The following LHFPL3 variants were observed in gnomAD, a reference collection of about 807,000 sequenced individuals.
LHFPL3 encodes the protein LHFPL tetraspan subfamily member 3 protein.
Under a neutral mutation model 19.3 loss-of-function variants are expected in LHFPL3, and 5 were observed. The observed-to-expected ratio is 0.26, with a 90% CI of 0.14 to 0.54. The LOEUF is 0.54. LHFPL3 is among the 20% of genes least tolerant of loss of function. The probability of loss-of-function intolerance (pLI) is 0.94; values close to 1 mark genes in which losing one functional copy is unlikely to be tolerated. For synonymous variants in LHFPL3, 133 were observed against 126.2 expected (o/e 1.05, Z -0.36); for missense variants, 249 against 307.4 (o/e 0.81, Z 1.42).
intron 1 of LHFPL3, among the ~76,000 whole-genome samples, chr7:104,499,845 A>G (rs1310956080): frequency 1.3e-5 from 2 of 152,218 alleles, no homozygotes; most frequent in African/African-American, 2.4e-5. Context: ...AAAAGATTCC[A>G]TTTATTTCAG....
intron 1 of LHFPL3, among the ~76,000 whole-genome samples, chr7:104,686,670 C>T (rs986873052): frequency 8.5e-5 from 13 of 152,202 alleles, no homozygotes; most frequent in Admixed American, 7.8e-4. Context: ...CCCATTTCAG[C>T]TGCCAATCAC....
intron 1 of LHFPL3, among the ~76,000 whole-genome samples, chr7:104,586,873 A>G (rs185441573): frequency 8.1e-4 from 124 of 152,294 alleles, no homozygotes; most frequent in African/African-American, 3.0e-3. Flanking sequence ...GGAAAAGTCA[A>G]TAGAGCTTTC....
chr7:104,722,990 G>C (rs1480829344), intron 1 of LHFPL3, among the ~76,000 whole-genome samples: 1 of 152,194 alleles, frequency 6.6e-6, no homozygotes, highest in Non-Finnish European at 1.5e-5. Context: ...CAGACCAGCA[G>C]TATCAGCAGG....
chr7:104,404,607 A>G (rs1791379144), intron 1 of LHFPL3, among the ~76,000 whole-genome samples: 1 of 152,216 alleles, frequency 6.6e-6, no homozygotes, highest in Admixed American at 6.5e-5. Flanking sequence ...CCATAAAAGT[A>G]TAAGACACAC....
intron 1 of LHFPL3, among the ~76,000 whole-genome samples, chr7:104,394,052 T>TA (rs1258997814): frequency 6.6e-6 from 1 of 152,202 alleles, no homozygotes; most frequent in African/African-American, 2.4e-5. Context: ...CTGAATATAC[T>TA]AAAAAATGTT....
At position 104,719,625 on chromosome 7, in the gene LHFPL3, C is replaced by G. The variant is rs551095591; in HGVS notation, c.446-17050C>G. On this transcript the variant is annotated intron_variant, in intron 1 of 2. Transcript: ENST00000424859. ...AAATATTTATACATATAAAAACCAACAGTTTTTAAGCGTCATTTTATTAGT... is the reference window on the plus strand; with the variant it reads ...AAATATTTATACATATAAAAACCAAGAGTTTTTAAGCGTCATTTTATTAGT... Among the ~76,000 whole-genome samples the G allele has an allele frequency of 3.3e-5, 5 of 152,224 alleles. No individual in the cohort carries two copies. The South Asian group carries it at 8.3e-4, about 25-fold the overall frequency.
intron 1 of LHFPL3, among the ~76,000 whole-genome samples, chr7:104,445,675 T>C (rs1373203658): frequency 6.6e-6 from 1 of 152,232 alleles, no homozygotes; most frequent in African/African-American, 2.4e-5. Flanking sequence ...ACCTCCTTTT[T>C]TATACAGAAA....
At chr7:104,867,961 G>A (rs1791759872) in intron 2 of LHFPL3, among the ~76,000 whole-genome samples, 1 of 152,132 alleles carries the variant, frequency 6.6e-6, no homozygotes, top group South Asian at 2.1e-4. Flanking sequence ...CATATAAACA[G>A]AACCAACGAC....
chr7:104,532,467 C>G (rs1418814492), intron 1 of LHFPL3, among the ~76,000 whole-genome samples: 1 of 151,914 alleles, frequency 6.6e-6, no homozygotes, highest in Non-Finnish European at 1.5e-5. Context: ...TGCTAATAAT[C>G]TGTTTTTAAT....
intron 1 of LHFPL3, among the ~76,000 whole-genome samples, chr7:104,498,582 A>T (rs1793536334): frequency 6.7e-6 from 1 of 148,364 alleles, no homozygotes; most frequent in Non-Finnish European, 1.5e-5. Context: ...GGTTCAAGAG[A>T]TTCTTGTGCC....
intron 1 of LHFPL3, among the ~76,000 whole-genome samples, chr7:104,686,569 G>T (rs369951700): frequency 1.3e-5 from 2 of 152,248 alleles, no homozygotes; most frequent in South Asian, 2.1e-4. Context: ...CACCTGCTGG[G>T]TGTCCTCTAA....
chr7:104,498,087 A>G (rs1793523324), intron 1 of LHFPL3, among the ~76,000 whole-genome samples: 1 of 152,212 alleles, frequency 6.6e-6, no homozygotes, highest in Non-Finnish European at 1.5e-5. Flanking sequence ...AGGCAGATCT[A>G]TCATGGATCC....
chr7:104,353,306 G>A (rs764652551), intron 1 of LHFPL3, among the ~76,000 whole-genome samples: 13 of 152,078 alleles, frequency 8.5e-5, no homozygotes, highest in Non-Finnish European at 1.5e-4. Flanking sequence ...AGTAAATTAG[G>A]GTACACCATG....
chr7:104,375,147 T>C (rs1434232002), intron 1 of LHFPL3, among the ~76,000 whole-genome samples: 1 of 152,182 alleles, frequency 6.6e-6, no homozygotes, highest in Non-Finnish European at 1.5e-5. Flanking sequence ...GAGACCAGCC[T>C]GGCCAACATG....
At chr7:104,373,662 C>A (rs868070593) in intron 1 of LHFPL3, among the ~76,000 whole-genome samples, 16 of 142,030 alleles carry the variant, frequency 1.1e-4, no homozygotes, top group African/African-American at 3.9e-4. Flanking sequence ...TGGTTTGGTT[C>A]AGAAAGGCGG....
intron 1 of LHFPL3, among the ~76,000 whole-genome samples, chr7:104,681,414 G>T (rs1792700196): frequency 6.6e-6 from 1 of 152,080 alleles, no homozygotes; most frequent in African/African-American, 2.4e-5. Flanking sequence ...CACAAGGTCA[G>T]AAGATCAAGA....
intron 1 of LHFPL3, among the ~76,000 whole-genome samples, chr7:104,404,918 T>C (rs1440616076): frequency 6.6e-6 from 1 of 152,276 alleles, no homozygotes; most frequent in African/African-American, 2.4e-5. Flanking sequence ...TTTACCTACA[T>C]AAAAAAGGTA....
chr7:104,512,472 C>T (rs1793837904), intron 1 of LHFPL3, among the ~76,000 whole-genome samples: 1 of 151,934 alleles, frequency 6.6e-6, no homozygotes, highest in Non-Finnish European at 1.5e-5. Context: ...CGTGGTGGCT[C>T]ATGCCTGTAA....
intron 1 of LHFPL3, among the ~76,000 whole-genome samples, chr7:104,449,271 T>G (rs1792385897): frequency 6.6e-6 from 1 of 152,172 alleles, no homozygotes; most frequent in Non-Finnish European, 1.5e-5. Context: ...GTTGTTTCTT[T>G]TTTTCCCTGA....
Sources: allele counts gnomAD v4.1 joint callset (sites outside exome capture counted in the v4.1 genomes callset), GRCh38; gene constraint gnomAD v4.1.1; transcripts MANE v1.5; gene names NCBI Gene and HGNC (gene_info 2026-07-23, HGNC 2026-07-21).